Variants in MYO5B observed in about 807,000 individuals in gnomAD.
The protein encoded by MYO5B is unconventional myosin-Vb.
MYO5B carries 143 observed loss-of-function variants against 229.3 expected under a neutral mutation model. That is an observed-to-expected ratio of 0.62 (90% CI 0.54 to 0.72). The LOEUF (loss-of-function observed/expected upper bound fraction) is 0.72, where lower values mean the gene tolerates loss of function less well. MYO5B is among the 30% of genes least tolerant of loss of function. MYO5B has a pLI of 0.00. For synonymous variants in MYO5B, 918 were observed against 885.2 expected, an observed-to-expected ratio of 1.04 and a Z score of -0.66; for missense variants, 2,321 against 2,331.0, an observed-to-expected ratio of 1.00 and a Z score of 0.09.
intron 17 of MYO5B, among the ~76,000 whole-genome samples, chr18:49,923,958 C>T (rs2025102791): frequency 6.6e-6 from 1 of 152,152 alleles, no homozygotes; most frequent in African/African-American, 2.4e-5. Flanking sequence ...TGCTCACCTC[C>T]AGACCTCTGC....
rs569598686 is a variant in MYO5B at position 49,832,111 on chromosome 18, G to T, written c.5394+3233C>A. On this transcript the variant is annotated intron_variant, in intron 39 of 39. Transcript: ENST00000285039. Reference sequence around the variant, plus strand: ...AGTGTTTCTGTTTAGGATGATGAAAGAATTTTGGAAATAGTGGTGATGGTT... The same window carrying T: ...AGTGTTTCTGTTTAGGATGATGAAATAATTTTGGAAATAGTGGTGATGGTT... 9.2e-5 allele frequency among the ~76,000 whole-genome samples: 14 copies of T among 152,252 alleles called. No homozygotes were observed. The South Asian group carries it at 2.7e-3, about 29-fold the overall frequency.
chr18:49,901,557 G>A, intron 21 of MYO5B, among the ~76,000 whole-genome samples: 1 of 152,212 alleles, frequency 6.6e-6, no homozygotes, highest in East Asian at 1.9e-4. Flanking sequence ...ACCAGGCCCT[G>A]CATATGCATT....
intron 1 of MYO5B, among the ~76,000 whole-genome samples, chr18:50,068,508 A>G (rs1200956953): frequency 6.6e-6 from 1 of 152,224 alleles, no homozygotes; most frequent in Non-Finnish European, 1.5e-5. Context: ...AACTCCTCCA[A>G]CAAAGTTAAG....
chr18:50,028,692 C>G lies in MYO5B; in HGVS notation c.455+8158G>C, dbSNP rs140487704. ...AATGTAACTCATTTGAGAAAGCATCCTATACTGGGAATGGTAGGGCAGCAT... is the reference window on the plus strand; with the variant it reads ...AATGTAACTCATTTGAGAAAGCATCGTATACTGGGAATGGTAGGGCAGCAT... On this transcript the variant is annotated intron_variant, in intron 4 of 39. Coordinates refer to ENST00000285039, the MANE Select transcript of MYO5B (RefSeq NM_001080467.3). Among the ~76,000 whole-genome samples, 240 of 152,292 alleles carry G rather than the reference C, an allele frequency of 1.6e-3. 1 individual carries two copies. The highest frequency in any genetic ancestry group is 3.0e-3 in the Non-Finnish European group (207 of 68,010).
intron 1 of MYO5B, among the ~76,000 whole-genome samples, chr18:50,058,460 ACT>A (rs1230505812): frequency 1.3e-5 from 2 of 152,058 alleles, no homozygotes; most frequent in Admixed American, 1.3e-4. Context: ...ACAAAATGAG[ACT>A]CTGTCTCAAA....
At chr18:49,929,736 T>G in intron 16 of MYO5B, 138 bp from the exon 17 acceptor site, 2 of 778,946 alleles carry the variant, frequency 2.6e-6, no homozygotes, top group Non-Finnish European at 4.3e-6. Context: ...TGAGTTACCC[T>G]TGAGCTCAAG....
At chr18:50,063,137 T>C (rs2030730652) in intron 1 of MYO5B, among the ~76,000 whole-genome samples, 1 of 152,070 alleles carries the variant, frequency 6.6e-6, no homozygotes, top group Admixed American at 6.6e-5. Flanking sequence ...AACAGAACCA[T>C]GTGCGTATAA....
chr18:49,934,328 G>A (rs1163456128), intron 16 of MYO5B, among the ~76,000 whole-genome samples: 1 of 152,144 alleles, frequency 6.6e-6, no homozygotes, highest in East Asian at 1.9e-4. Context: ...CTAGAATCCC[G>A]GTATCATGAC....
At chr18:49,905,874 G>A (rs1433551671) in intron 19 of MYO5B, among the ~76,000 whole-genome samples, 2 of 152,186 alleles carry the variant, frequency 1.3e-5, no homozygotes, top group African/African-American at 4.8e-5. Context: ...GCTGGGGGCA[G>A]GCAGGGGAGG....
At chr18:50,118,748 C>T (rs1599034440) in intron 1 of MYO5B, among the ~76,000 whole-genome samples, 1 of 152,070 alleles carries the variant, frequency 6.6e-6, no homozygotes, top group South Asian at 2.1e-4. Context: ...CCTCAGCCTC[C>T]TGAGTAGCTG....
At chr18:49,831,829 T>C (rs146140207) in intron 39 of MYO5B, among the ~76,000 whole-genome samples, 4 of 152,234 alleles carry the variant, frequency 2.6e-5, no homozygotes, top group African/African-American at 9.6e-5. Flanking sequence ...TGATTCCCAA[T>C]AGCCAAAAGG....
At chr18:50,091,416 T>C (rs1305931044) in intron 1 of MYO5B, among the ~76,000 whole-genome samples, 2 of 152,242 alleles carry the variant, frequency 1.3e-5, no homozygotes, top group Non-Finnish European at 2.9e-5. Flanking sequence ...ATACCCATCC[T>C]TGCATTCTTG....
intron 1 of MYO5B, among the ~76,000 whole-genome samples, chr18:50,122,635 GAGAGAGAGAGAGAGAGAGAGAGAGAGAGA>G (rs1332808672): frequency 3.3e-4 from 2 of 6,104 alleles, no homozygotes; most frequent in African/African-American, 8.8e-4. Context: ...AAGGGGGGGG[GAGAGAGAGAGAGAGAGAGAGAGAGAGAGA>G]GAGAGAGAGA....
rs191600193 is a variant in MYO5B, at chr18:50,055,393, C to T, written c.28-15G>A. On this transcript the variant is annotated splice_polypyrimidine_tract_variant and intron_variant, in intron 1 of 39. Transcript: ENST00000285039. ...ACCCTTGTGCACTGAAAGATTAAAA[C>T]AGAAGAAACTTAGATACAGAACAAA... The T allele has an allele frequency of 1.4e-4, 217 of 1,600,408 alleles. 1 individual carries two copies. The highest frequency in any genetic ancestry group is 1.1e-3 in the Admixed American group (67 of 59,988).
At chr18:49,835,613 C>G (rs1343689026) in intron 38 of MYO5B, among the ~76,000 whole-genome samples, 189 bp from the exon 39 acceptor site, 1 of 152,188 alleles carries the variant, frequency 6.6e-6, no homozygotes, top group Non-Finnish European at 1.5e-5. Flanking sequence ...ACAGCTTTGT[C>G]AGGTGGATCT....
At chr18:49,830,170 C>CAA (rs2023897923) in intron 39 of MYO5B, among the ~76,000 whole-genome samples, 3 of 148,762 alleles carry the variant, frequency 2.0e-5, no homozygotes, top group Non-Finnish European at 3.0e-5. Flanking sequence ...CACACACACA[C>CAA]AAATATTGCT....
chr18:50,001,177 C>T, intron 5 of MYO5B, 78 bp downstream of exon 5: 1 of 1,591,176 alleles, frequency 6.3e-7, no homozygotes, highest in Non-Finnish European at 8.6e-7. Flanking sequence ...GGCTGCCACC[C>T]AGGCTTGACG....
chr18:49,980,411 T>C, intron 9 of MYO5B, 33 bp downstream of exon 9: 1 of 1,435,006 alleles, frequency 7.0e-7, no homozygotes, highest in Non-Finnish European at 9.8e-7. Flanking sequence ...TAAATTGTGT[T>C]CATTTTATCT....
intron 2 of MYO5B, among the ~76,000 whole-genome samples, chr18:50,047,690 C>T (rs932497350): frequency 1.4e-4 from 21 of 152,130 alleles, no homozygotes; most frequent in Middle Eastern, 3.4e-3. Context: ...GGAACCAACC[C>T]AAATGTCCAA....
Sources: allele counts gnomAD v4.1 joint callset (sites outside exome capture counted in the v4.1 genomes callset), GRCh38; gene constraint gnomAD v4.1.1; transcripts MANE v1.5; gene names NCBI Gene and HGNC (gene_info 2026-07-23, HGNC 2026-07-21).